ITGB6: variants seen among roughly 807,000 people sequenced by gnomAD.
The protein encoded by ITGB6 is integrin beta-6.
In ITGB6, 80 loss-of-function variants were observed where a neutral mutation model predicts 84.5. The ratio of observed to expected loss-of-function variants is 0.95; its 90% confidence interval spans 0.79 to 1.14. The LOEUF is 1.14. Ranked by LOEUF, ITGB6 falls within the 50% of genes most tolerant of loss-of-function variation. The pLI, the probability that ITGB6 is intolerant of heterozygous loss-of-function variation, is 0.00. For missense variants in ITGB6, 1,006 were observed against 968.0 expected (o/e 1.04, Z -0.52); for synonymous variants, 383 against 354.9 (o/e 1.08, Z -0.89).
chr2:160,140,359 G>A (rs191372290), intron 8 of ITGB6, among the ~76,000 whole-genome samples: 20 of 152,318 alleles, frequency 1.3e-4, no homozygotes, highest in Non-Finnish European at 2.4e-4. Context: ...TGTAAGTTGC[G>A]TGAAGTATTT....
At chr2:160,144,009 C>T (rs1190344686) in intron 7 of ITGB6, among the ~76,000 whole-genome samples, 1 of 152,092 alleles carries the variant, frequency 6.6e-6, no homozygotes, top group Non-Finnish European at 1.5e-5. Flanking sequence ...AGTTTGAAGT[C>T]AGTAGAAATC....
At chr2:160,169,014 C>T (rs1473216712) in intron 7 of ITGB6, among the ~76,000 whole-genome samples, 198 bp downstream of exon 7, 1 of 152,162 alleles carries the variant, frequency 6.6e-6, no homozygotes, top group Non-Finnish European at 1.5e-5. Context: ...TATTAGTTCC[C>T]CATGCCCTAC....
chr2:160,106,469 A>C (rs528400099), intron 14 of ITGB6, among the ~76,000 whole-genome samples: 1 of 152,250 alleles, frequency 6.6e-6, no homozygotes, highest in South Asian at 2.1e-4. Context: ...CCTGAGCTCA[A>C]GTGATCCAAT....
chr2:160,109,649 G>A (rs1371168819), intron 13 of ITGB6, among the ~76,000 whole-genome samples: 1 of 152,186 alleles, frequency 6.6e-6, no homozygotes, highest in Non-Finnish European at 1.5e-5. Flanking sequence ...TTTCATACTT[G>A]GATGTTTCTT....
intron 12 of ITGB6, among the ~76,000 whole-genome samples, chr2:160,114,662 A>G (rs1682684064): frequency 6.6e-6 from 1 of 152,196 alleles, no homozygotes; most frequent in Admixed American, 6.5e-5. Context: ...GGTGCAGGTC[A>G]GTGGGTGCGC....
At chr2:160,185,642 C>A (rs1219464546) in intron 4 of ITGB6, among the ~76,000 whole-genome samples, 1 of 152,174 alleles carries the variant, frequency 6.6e-6, no homozygotes, top group Non-Finnish European at 1.5e-5. Flanking sequence ...CATATGGAAT[C>A]AAAAAGGAGC....
chr2:160,107,870 G>C, intron 13 of ITGB6, 25 bp from the exon 14 acceptor site: 1 of 1,560,206 alleles, frequency 6.4e-7, no homozygotes, highest in Non-Finnish European at 8.7e-7. Flanking sequence ...AAAATTATAA[G>C]AAGGTGGTAA....
Position 160,195,501 on chromosome 2 carries a change from T to C in ITGB6, c.461A>G (p.Glu154Gly). Residue 154 changes from glutamate to glycine, a missense_variant, in exon 4 of 15, where the codon GAG becomes GGG. Coordinates refer to ENST00000283249, the MANE Select transcript of ITGB6 (RefSeq NM_000888.5). Reference protein sequence around the residue: ...SMDDDLNTIKELGSRLSKEMS... With the variant: ...SMDDDLNTIKGLGSRLSKEMS... ...CTCTTTGGAAAGCCGGGAGCCCAGC[T>C]CCTTTATTGTGTTGAGGTCGTCATC... The C allele has an allele frequency of 6.2e-7, 1 of 1,614,164 alleles. No homozygotes were observed. Among genetic ancestry groups the C allele is most frequent in the Non-Finnish European group, 8.5e-7 (1 of 1,180,000 alleles).
At position 160,101,101 on chromosome 2, in the gene ITGB6, A is replaced by T. The variant is rs768073628; in HGVS notation, c.*635T>A. The stretch of plus-strand genomic sequence containing the variant: ...TTATAGGTAACTTCTTAATTTATAA[A>T]TTACTTATTCCTTATTTGTAAAACA... On this transcript the variant is annotated 3_prime_UTR_variant, in exon 15 of 15. Coordinates refer to ENST00000283249, the MANE Select transcript of ITGB6 (RefSeq NM_000888.5). 31 of 152,186 alleles carry T rather than the reference A, an allele frequency of 2.0e-4. No individual in the cohort carries two copies. The highest frequency in any genetic ancestry group is 3.4e-4 in the Non-Finnish European group (23 of 68,014). The allele number at this position is 152,186 out of a possible 1,614,324, so 9.4% of individuals were successfully genotyped here.
At chr2:160,108,254 T>TGTGTGTGTGC (rs931322646) in intron 13 of ITGB6, among the ~76,000 whole-genome samples, 5 of 151,026 alleles carry the variant, frequency 3.3e-5, no homozygotes, top group African/African-American at 1.2e-4. Flanking sequence ...TGTGTGTGTG[T>TGTGTGTGTGC]GCTGCATGTC....
intron 4 of ITGB6, among the ~76,000 whole-genome samples, chr2:160,191,747 C>G (rs1360592198): frequency 6.6e-6 from 1 of 152,056 alleles, no homozygotes; most frequent in African/African-American, 2.4e-5. Flanking sequence ...ATGATGTGAT[C>G]ATATACACAG....
At chr2:160,149,714 G>T (rs1476490496) in intron 7 of ITGB6, among the ~76,000 whole-genome samples, 1 of 152,070 alleles carries the variant, frequency 6.6e-6, no homozygotes, top group Non-Finnish European at 1.5e-5. Context: ...CTTGAAAAAA[G>T]ATTGGACAAA....
intron 10 of ITGB6, among the ~76,000 whole-genome samples, chr2:160,130,845 C>T (rs569933194): frequency 6.6e-6 from 1 of 152,252 alleles, no homozygotes; most frequent in African/African-American, 2.4e-5. Context: ...TTTCCAAATG[C>T]TTTGAGAATG....
chr2:160,175,937 A>G (rs901007606), intron 4 of ITGB6, among the ~76,000 whole-genome samples: 16 of 152,206 alleles, frequency 1.1e-4, no homozygotes, highest in African/African-American at 3.9e-4. Flanking sequence ...ATGAGAATTG[A>G]CTGTGTGTAC....
intron 4 of ITGB6, among the ~76,000 whole-genome samples, chr2:160,187,716 TAC>T (rs780129001): frequency 9.2e-5 from 14 of 152,190 alleles, no homozygotes; most frequent in East Asian, 1.9e-4. Flanking sequence ...TTTCAGAAAA[TAC>T]AGTTATTTTT....
rs187900369 is a variant in ITGB6, at chr2:160,150,685, C to A, written c.1018-8614G>T. ...GGCAAATTGGATAAGGAGTCAAGAC[C>A]CATTGGTGTGTATTCAGGAGACACA... On this transcript the variant is annotated intron_variant, in intron 7 of 14. Coordinates refer to ENST00000283249, the MANE Select transcript of ITGB6 (RefSeq NM_000888.5). 9.9e-5 allele frequency among the ~76,000 whole-genome samples: 15 copies of A among 151,966 alleles called. No homozygotes were observed. In the East Asian group the frequency reaches 2.9e-3, roughly 29 times the overall value.
chr2:160,177,583 A>AT (rs1479340174), intron 4 of ITGB6, among the ~76,000 whole-genome samples: 1 of 151,872 alleles, frequency 6.6e-6, no homozygotes, highest in Non-Finnish European at 1.5e-5. Flanking sequence ...AAAAAAAAAA[A>AT]GAACCATCCT....
At chr2:160,132,664 CT>C (rs1030224747) in intron 10 of ITGB6, among the ~76,000 whole-genome samples, 76 of 152,182 alleles carry the variant, frequency 5.0e-4, no homozygotes, top group African/African-American at 1.6e-3. Flanking sequence ...CAAATTTATA[CT>C]GTTTAAGAGT....
intron 7 of ITGB6, among the ~76,000 whole-genome samples, chr2:160,168,064 G>T (rs912469236): frequency 1.3e-5 from 2 of 152,208 alleles, no homozygotes; most frequent in African/African-American, 4.8e-5. Context: ...TGAAGAAAAT[G>T]CCCATATCAG....
Sources: allele counts gnomAD v4.1 joint callset (sites outside exome capture counted in the v4.1 genomes callset), GRCh38; gene constraint gnomAD v4.1.1; transcripts MANE v1.5; gene names NCBI Gene and HGNC (gene_info 2026-07-23, HGNC 2026-07-21).